The following DIPK1A variants were observed in gnomAD, a reference collection of about 807,000 sequenced individuals.
DIPK1A encodes the protein divergent protein kinase domain 1A.
A neutral mutation model predicts 40.8 loss-of-function variants in DIPK1A; 27 were observed. That is an observed-to-expected ratio of 0.66 (90% CI 0.49 to 0.91). The LOEUF (loss-of-function observed/expected upper bound fraction) is 0.91, where lower values mean the gene tolerates loss of function less well. DIPK1A is among the 40% of genes least tolerant of loss of function. DIPK1A has a pLI of 0.00. For synonymous variants in DIPK1A, 166 were observed against 171.3 expected (o/e 0.97, Z 0.24); for missense variants, 412 against 505.7 (o/e 0.81, Z 1.78).
At chr1:92,956,802 T>C (rs980312398) in intron 1 of DIPK1A, among the ~76,000 whole-genome samples, 4 of 152,202 alleles carry the variant, frequency 2.6e-5, no homozygotes, top group African/African-American at 9.7e-5. Context: ...GAACATGCCA[T>C]CTACCCATTC....
chr1:92,921,481 A>G (rs1397726058), intron 1 of DIPK1A, among the ~76,000 whole-genome samples: 3 of 152,210 alleles, frequency 2.0e-5, no homozygotes, highest in African/African-American at 7.2e-5. Flanking sequence ...TACTAATTAG[A>G]AAGGAGAATT....
intron 1 of DIPK1A, among the ~76,000 whole-genome samples, chr1:92,906,821 AG>A (rs1415493855): frequency 6.6e-6 from 1 of 152,158 alleles, no homozygotes; most frequent in Non-Finnish European, 1.5e-5. Context: ...TGTAAATGAA[AG>A]GGCTGAGCTA....
At chr1:92,841,150 T>A (rs550232025), downstream of DIPK1A, among the ~76,000 whole-genome samples, 1 of 152,326 alleles carries the variant, frequency 6.6e-6, no homozygotes, top group African/African-American at 2.4e-5. Context: ...ATACTCCTCC[T>A]GTTGGAGATT....
At position 92,833,171 on chromosome 1, in the gene DIPK1A, A is replaced by G. The variant is rs1686977857; in HGVS notation, c.475-137T>C. The G allele has an allele frequency of 6.1e-6, 4 of 650,672 alleles. No homozygotes were observed. In the South Asian group the frequency reaches 7.1e-5, roughly 12 times the overall value. 40.3% of individuals were successfully genotyped at this position (650,672 alleles called of 1,614,324 possible). A position where few individuals can be genotyped will look rare whatever the true frequency, so the allele number is the denominator to read the frequency against. On this transcript the variant is annotated intron_variant, in intron 4 of 4. Coordinates refer to the DIPK1A transcript ENST00000615519. ...TCTTTTATTCCATATTTCTCTAAGG[A>G]TTCATTTTTATTGTTTTATGAAACT...
At chr1:92,911,991 A>G (rs1247016131) in intron 1 of DIPK1A, among the ~76,000 whole-genome samples, 1 of 119,032 alleles carries the variant, frequency 8.4e-6, no homozygotes, top group Non-Finnish European at 1.6e-5. Flanking sequence ...GTGACAGAGC[A>G]GGACTCCATC....
At chr1:92,889,699 G>C (rs1648770932) in intron 1 of DIPK1A, among the ~76,000 whole-genome samples, 1 of 151,740 alleles carries the variant, frequency 6.6e-6, no homozygotes, top group African/African-American at 2.4e-5. Flanking sequence ...ACAGGCTGGA[G>C]TGCAGTGATG....
At position 92,876,425 on chromosome 1, in the gene DIPK1A, G is replaced by A. The variant is rs1347325010; in HGVS notation, c.60C>T (p.Arg20=). ...WLRKPYYLQA[R]FSYVRMKYLF... ...GATATTTCATCCGCACATATGAGAA[G>A]CGAGCCTGTGAGTAAAAAAGAACAT... Residue 20 remains arginine, a synonymous_variant, in exon 2 of 5, where the codon CGC becomes CGT. Coordinates refer to ENST00000370310, the MANE Select transcript of DIPK1A (RefSeq NM_001006605.5). The A allele has an allele frequency of 3.7e-6, 6 of 1,611,348 alleles. No individual in the cohort carries two copies. Among genetic ancestry groups the A allele is most frequent in the Admixed American group, 1.7e-5 (1 of 59,362 alleles).
At chr1:92,877,088 A>G (rs1400289816) in intron 1 of DIPK1A, 1 of 985,234 alleles carries the variant, frequency 1.0e-6, no homozygotes, top group Non-Finnish European at 1.2e-6. Context: ...TATTAAAAAT[A>G]AGTTACTCTT....
intron 1 of DIPK1A, among the ~76,000 whole-genome samples, chr1:92,881,085 A>G (rs1405725042): frequency 7.0e-6 from 1 of 142,648 alleles, no homozygotes; most frequent in Non-Finnish European, 1.5e-5. Context: ...AGGCAGGAGA[A>G]TCGCTTGAAC....
chr1:92,938,126 G>T (rs1185382032), intron 1 of DIPK1A, among the ~76,000 whole-genome samples: 1 of 152,040 alleles, frequency 6.6e-6, no homozygotes, highest in African/African-American at 2.4e-5. Flanking sequence ...ACAAAAATTA[G>T]CCAGGCATGG....
chr1:92,837,200 A>G (rs1437948468), downstream of DIPK1A: 1 of 637,116 alleles, frequency 1.6e-6, no homozygotes, highest in African/African-American at 1.8e-5. Flanking sequence ...TGGATGACTA[A>G]TTTTGTAGTG....
chr1:92,910,552 G>A (rs747418322), intron 1 of DIPK1A, among the ~76,000 whole-genome samples: 1 of 151,968 alleles, frequency 6.6e-6, no homozygotes, highest in Non-Finnish European at 1.5e-5. Flanking sequence ...AGTGACTAGA[G>A]TGCATCATTC....
intron 4 of DIPK1A, chr1:92,845,508 GAAAAAAAA>G: frequency 5.0e-6 from 1 of 198,436 alleles, no homozygotes; most frequent in Non-Finnish European, 8.8e-6. Context: ...GTCTATGCTA[GAAAAAAAA>G]AAAAAAAAAA....
chr1:92,901,179 G>C (rs1414155908), intron 1 of DIPK1A, among the ~76,000 whole-genome samples: 3 of 151,992 alleles, frequency 2.0e-5, no homozygotes, highest in Non-Finnish European at 4.4e-5. Context: ...TCAGTATCAA[G>C]GGCCTTTGGG....
rs1380805446 is a variant in DIPK1A at position 92,865,051 on chromosome 1, A to AC, written c.189+11244_189+11245insG. ...AGTGAGACTCCGTCTCAAAAAAAAA[A>AC]AAAAAAAAAAAGATATAACATACTA... On this transcript the variant is annotated intron_variant, in intron 2 of 4. Transcript: ENST00000370310. Among the ~76,000 whole-genome samples, 4 of 150,638 alleles carry AC rather than the reference A, an allele frequency of 2.7e-5. No individual in the cohort carries two copies. The South Asian group carries it at 8.4e-4, about 32-fold the overall frequency.
chr1:92,961,295 G>A, intron 1 of DIPK1A, 81 bp downstream of exon 1: 1 of 1,068,774 alleles, frequency 9.4e-7, no homozygotes, highest in Non-Finnish European at 1.3e-6. Flanking sequence ...GGGAGGAGGG[G>A]AGCGGGCGAG....
intron 1 of DIPK1A, among the ~76,000 whole-genome samples, chr1:92,921,001 C>T (rs1557485626): frequency 6.6e-6 from 1 of 152,042 alleles, no homozygotes; most frequent in East Asian, 1.9e-4. Flanking sequence ...GAAATGGCCA[C>T]CCACAGAGTA....
intron 2 of DIPK1A, among the ~76,000 whole-genome samples, chr1:92,863,845 A>G (rs1010817185): frequency 1.3e-5 from 2 of 152,160 alleles, no homozygotes; most frequent in African/African-American, 4.8e-5. Flanking sequence ...AAGGTCGGTC[A>G]GGAGTTCAAG....
rs1650492538 is a variant in DIPK1A at position 92,926,064 on chromosome 1, A to G, written c.54+35312T>C. ...TTATTGTCTCTGTTGTCTATTTTCT[A>G]ATTAATTGATATCTGCTATTGTCTT... On this transcript the variant is annotated intron_variant, in intron 1 of 4. Transcript: ENST00000370310. Among the ~76,000 whole-genome samples the G allele has an allele frequency of 2.6e-5, 4 of 152,070 alleles. No individual in the cohort carries two copies. The South Asian group carries it at 8.3e-4, about 32-fold the overall frequency.
Sources: allele counts gnomAD v4.1 joint callset (sites outside exome capture counted in the v4.1 genomes callset), GRCh38; gene constraint gnomAD v4.1.1; transcripts MANE v1.5; gene names NCBI Gene and HGNC (gene_info 2026-07-23, HGNC 2026-07-21).